RANBP17: variants seen among roughly 807,000 people sequenced by gnomAD.
RANBP17 encodes the protein ran-binding protein 17.
RANBP17 carries 158 observed loss-of-function variants against 141.2 expected under a neutral mutation model. The observed-to-expected ratio is 1.12, with a 90% CI of 0.98 to 1.28. The LOEUF (loss-of-function observed/expected upper bound fraction) is 1.28. RANBP17 is among the 50% of genes most tolerant of loss of function. The probability of loss-of-function intolerance (pLI) is 0.00; values close to 1 mark genes in which losing one functional copy is unlikely to be tolerated. For synonymous variants in RANBP17, 430 were observed against 450.0 expected (o/e 0.96, Z 0.56); for missense variants, 1,438 against 1,290.7 (o/e 1.11, Z -1.75).
chr5:170,930,514 A>G (rs1773273607), intron 12 of RANBP17, among the ~76,000 whole-genome samples: 1 of 151,642 alleles, frequency 6.6e-6, no homozygotes, highest in African/African-American at 2.4e-5. Flanking sequence ...GCACCTGTTA[A>G]CTCGTCATTT....
At chr5:170,879,016 T>C (rs1768428143) in intron 2 of RANBP17, among the ~76,000 whole-genome samples, 1 of 152,194 alleles carries the variant, frequency 6.6e-6, no homozygotes, top group African/African-American at 2.4e-5. Context: ...ACAGGTCTGT[T>C]AATGAAGAGA....
At chr5:170,910,444 A>T (rs967880307) in intron 6 of RANBP17, 34 of 152,566 alleles carry the variant, frequency 2.2e-4, no homozygotes, top group African/African-American at 8.0e-4. Flanking sequence ...TTATCTTAAA[A>T]TTTTTCTTTT....
At chr5:171,208,725 C>G (rs1394055645) in intron 20 of RANBP17, among the ~76,000 whole-genome samples, 1 of 152,290 alleles carries the variant, frequency 6.6e-6, no homozygotes, top group East Asian at 1.9e-4. Flanking sequence ...ACCACTTAAA[C>G]TGTGGGTCTT....
intron 12 of RANBP17, among the ~76,000 whole-genome samples, chr5:170,948,190 T>C (rs971286106): frequency 5.6e-4 from 86 of 152,236 alleles, no homozygotes; most frequent in African/African-American, 1.9e-3. Flanking sequence ...TAAACAGTCA[T>C]GGTTTTGTAA....
chr5:171,158,045 T>C (rs1759029063), intron 14 of RANBP17, among the ~76,000 whole-genome samples: 1 of 152,226 alleles, frequency 6.6e-6, no homozygotes, highest in African/African-American at 2.4e-5. Flanking sequence ...CCAGTATTTC[T>C]GAAAAGCCAG....
At position 171,172,519 on chromosome 5, in the gene RANBP17, T is replaced by TA. The variant is rs917227992; in HGVS notation, c.1865+1243dup. 3.0e-4 allele frequency among the ~76,000 whole-genome samples: 44 copies of TA among 147,924 alleles called. No individual in the cohort carries two copies. In the South Asian group the frequency reaches 3.6e-3, roughly 12 times the overall value. The stretch of plus-strand genomic sequence containing the variant: ...TTTTAAGATATGTATTTTTTCTTAT[T>TA]AAAAAAAAAACTCAACCCATATTTT... On this transcript the variant is annotated intron_variant, in intron 16 of 27. Transcript: ENST00000523189.
At chr5:170,872,626 G>A (rs185474629) in intron 1 of RANBP17, among the ~76,000 whole-genome samples, 1 of 152,270 alleles carries the variant, frequency 6.6e-6, no homozygotes, top group Non-Finnish European at 1.5e-5. Context: ...TGCCTATTCA[G>A]TATGACATTG....
intron 5 of RANBP17, chr5:170,896,887 C>CT: frequency 1.8e-6 from 1 of 567,572 alleles, no homozygotes; most frequent in Non-Finnish European, 3.3e-6. Context: ...AATGCAGAGG[C>CT]CGGCGCGGCT....
chr5:171,005,004 C>G (rs537105159), intron 14 of RANBP17, among the ~76,000 whole-genome samples: 1 of 152,230 alleles, frequency 6.6e-6, no homozygotes, highest in African/African-American at 2.4e-5. Flanking sequence ...GCTACCCCCT[C>G]TCTATTATTG....
At chr5:170,925,085 T>C (rs2127447174) in intron 12 of RANBP17, among the ~76,000 whole-genome samples, 1 of 152,248 alleles carries the variant, frequency 6.6e-6, no homozygotes, top group African/African-American at 2.4e-5. Flanking sequence ...AAAATAAATG[T>C]ATTTTTCCAA....
intron 14 of RANBP17, among the ~76,000 whole-genome samples, chr5:171,037,851 G>A (rs1781982597): frequency 6.6e-6 from 1 of 152,060 alleles, no homozygotes; most frequent in South Asian, 2.1e-4. Flanking sequence ...GTTGGGTAAT[G>A]TGATGAATGC....
chr5:171,082,525 C>T (rs1364482721), intron 14 of RANBP17, among the ~76,000 whole-genome samples: 2 of 152,078 alleles, frequency 1.3e-5, no homozygotes, highest in East Asian at 1.9e-4. Flanking sequence ...CTACCCTTTG[C>T]TCAACATTTT....
intron 1 of RANBP17, among the ~76,000 whole-genome samples, chr5:170,864,904 G>A (rs754046192): frequency 8.5e-4 from 130 of 152,196 alleles, no homozygotes; most frequent in Non-Finnish European, 1.4e-3. Context: ...TGGAAGATCC[G>A]TATGGTCTTT....
chr5:171,256,780 A>G (rs1765926127), intron 24 of RANBP17, among the ~76,000 whole-genome samples: 1 of 152,122 alleles, frequency 6.6e-6, no homozygotes, highest in African/African-American at 2.4e-5. Flanking sequence ...ATGAACAATG[A>G]TATGCCCACC....
chr5:171,050,827 A>G (rs1782906670), intron 14 of RANBP17, among the ~76,000 whole-genome samples: 1 of 152,172 alleles, frequency 6.6e-6, no homozygotes, highest in Admixed American at 6.5e-5. Flanking sequence ...CTTACTTCTT[A>G]TAGAGCAGAT....
At chr5:171,006,137 C>T (rs1287300596) in intron 14 of RANBP17, among the ~76,000 whole-genome samples, 1 of 152,204 alleles carries the variant, frequency 6.6e-6, no homozygotes. Context: ...AACAGTTTTA[C>T]ACTGTTGGTG....
At chr5:170,957,171 C>CCAATGAGA (rs1435903851) in intron 13 of RANBP17, among the ~76,000 whole-genome samples, 1 of 151,418 alleles carries the variant, frequency 6.6e-6, no homozygotes, top group Non-Finnish European at 1.5e-5. Flanking sequence ...TATATATTTG[C>CCAATGAGA]CAATGAGAAA....
chr5:171,132,837 A>G (rs1021355336), intron 14 of RANBP17, among the ~76,000 whole-genome samples: 5 of 152,186 alleles, frequency 3.3e-5, no homozygotes, highest in African/African-American at 1.2e-4. Flanking sequence ...TTCCAGAAGA[A>G]AATGTGTTTC....
At chr5:171,207,231 T>C (rs1762631099) in intron 20 of RANBP17, 1 of 153,024 alleles carries the variant, frequency 6.5e-6, no homozygotes, top group African/African-American at 2.4e-5. Context: ...CACTGTAATA[T>C]CGATGGTGAT....
Sources: allele counts gnomAD v4.1 joint callset (sites outside exome capture counted in the v4.1 genomes callset), GRCh38; gene constraint gnomAD v4.1.1; transcripts MANE v1.5; gene names NCBI Gene and HGNC (gene_info 2026-07-23, HGNC 2026-07-21).